DOCK3: variants seen among roughly 807,000 people sequenced by gnomAD.
DOCK3 encodes the protein dedicator of cytokinesis 3.
DOCK3 carries 60 observed loss-of-function variants against 265.6 expected under a neutral mutation model. The ratio of observed to expected loss-of-function variants is 0.23; its 90% CI spans 0.18 to 0.28. The LOEUF (loss-of-function observed/expected upper bound fraction) is 0.28, where lower values mean the gene tolerates loss of function less well. DOCK3 is among the 10% of genes least tolerant of loss of function. The pLI, the probability that DOCK3 is intolerant of heterozygous loss-of-function variation, is 1.00. For missense variants in DOCK3, 1,981 were observed against 2,594.3 expected, an observed-to-expected ratio of 0.76 and a Z score of 5.14; for synonymous variants, 881 against 938.0, an observed-to-expected ratio of 0.94 and a Z score of 1.11.
chr3:50,816,420 C>T (rs1323624400), intron 2 of DOCK3, among the ~76,000 whole-genome samples: 1 of 148,962 alleles, frequency 6.7e-6, no homozygotes, highest in African/African-American at 2.5e-5. Context: ...CTCCCGGGTT[C>T]AAGTGATTCT....
At chr3:51,360,410 GT>G in intron 46 of DOCK3, 100 bp from the exon 47 acceptor site, 2 of 1,439,842 alleles carry the variant, frequency 1.4e-6, no homozygotes, top group Non-Finnish European at 1.9e-6. Flanking sequence ...ATTCTTTTTT[GT>G]TTCTTTTACA....
At chr3:51,205,562 C>T (rs1576408895) in intron 12 of DOCK3, among the ~76,000 whole-genome samples, 1 of 150,992 alleles carries the variant, frequency 6.6e-6, no homozygotes, top group African/African-American at 2.4e-5. Context: ...ATTAGCTCGG[C>T]ATGGTGGTGT....
intron 35 of DOCK3, among the ~76,000 whole-genome samples, chr3:51,338,088 GT>G (rs1283514283): frequency 6.6e-6 from 1 of 152,192 alleles, no homozygotes; most frequent in African/African-American, 2.4e-5. Context: ...ACATTGGTAG[GT>G]GCCACTTAAT....
intron 5 of DOCK3, among the ~76,000 whole-genome samples, chr3:50,958,334 A>T (rs1275613589): frequency 6.6e-6 from 1 of 152,206 alleles, no homozygotes; most frequent in Admixed American, 6.5e-5. Context: ...TGATTTCCAA[A>T]GTATGATGAG....
At chr3:51,249,668 ACCCGGCCAGCCGCCCCG>A (rs1560284292) in intron 22 of DOCK3, among the ~76,000 whole-genome samples, 410 of 30,068 alleles carry the variant, frequency 0.014, no homozygotes, top group East Asian at 0.041. Context: ...TCAGCCCCCC[ACCCGGCCAGCCGCCCCG>A]TCCGGGAGGT....
rs1324302133 is a variant in DOCK3, at chr3:51,227,288, C to T, written c.1383C>T (p.Cys461=). The T allele has an allele frequency of 1.9e-6, 3 of 1,613,264 alleles. No individual in the cohort carries two copies. The highest frequency in any genetic ancestry group is 1.7e-6 in the Non-Finnish European group (2 of 1,179,574). ...ATTTTGTTTCTTTCTTCCAGGATTG[C>T]ATCAGCTTGGGTTCAGGAGAGCCAA... The part of the protein sequence containing the change: ...LYADGEILKD[C]ISLGSGEPNR... Residue 461 remains cysteine (C), a synonymous_variant, in exon 16 of 53, where the codon TGC becomes TGT. Coordinates refer to ENST00000266037, the MANE Select transcript of DOCK3 (RefSeq NM_004947.5).
At chr3:50,973,043 G>GTGT (rs1351511518) in intron 5 of DOCK3, among the ~76,000 whole-genome samples, 1 of 1,636 alleles carries the variant, frequency 6.1e-4, no homozygotes, top group Non-Finnish European at 2.3e-3. Context: ...GGCATTCAGT[G>GTGT]TGTTTCTTTT....
intron 2 of DOCK3, among the ~76,000 whole-genome samples, chr3:50,839,504 C>T (rs187365279): frequency 4.6e-5 from 7 of 152,106 alleles, no homozygotes; most frequent in East Asian, 1.9e-4. Flanking sequence ...GCATTTGGTT[C>T]GGGACAGTGT....
chr3:50,815,696 G>C (rs1374879492), intron 2 of DOCK3, among the ~76,000 whole-genome samples: 1 of 152,082 alleles, frequency 6.6e-6, no homozygotes, highest in Admixed American at 6.6e-5. Flanking sequence ...ATTTCAGTGG[G>C]TATAGAATCC....
intron 3 of DOCK3, among the ~76,000 whole-genome samples, chr3:50,883,205 AT>A (rs1435443924): frequency 6.6e-6 from 1 of 152,104 alleles, no homozygotes; most frequent in Non-Finnish European, 1.5e-5. Context: ...AACATGGCAC[AT>A]GTATACATAT....
chr3:51,099,411 A>G (rs1159037066), intron 9 of DOCK3, among the ~76,000 whole-genome samples: 1 of 152,234 alleles, frequency 6.6e-6, no homozygotes, highest in Non-Finnish European at 1.5e-5. Context: ...CATCCTACAG[A>G]GTCTGGATAA....
chr3:50,675,340 G>A lies in DOCK3; in HGVS notation c.37+40G>A, dbSNP rs763052695. On this transcript the variant is annotated intron_variant, in intron 1 of 52. Coordinates refer to ENST00000266037, the MANE Select transcript of DOCK3 (RefSeq NM_004947.5). This position sits in a 1 kb window ranked among gnomAD's most constrained non-coding sequence, Gnocchi z 6.1. ...GGCCTGGCCGTGGCGGGGGTTCTGG[G>A]GGACGCGCCCAGCTCCCGGCCCCGC... 9 of 1,213,432 alleles carry A rather than the reference G, an allele frequency of 7.4e-6. No individual in the cohort carries two copies. The South Asian group carries it at 2.8e-4, about 38-fold the overall frequency. 75.2% of individuals were successfully genotyped at this position (1,213,432 alleles called of 1,614,324 possible). A position where few individuals can be genotyped will look rare whatever the true frequency, so the allele number is the denominator to read the frequency against.
At chr3:50,821,216 G>A (rs2044404219) in intron 2 of DOCK3, among the ~76,000 whole-genome samples, 1 of 131,894 alleles carries the variant, frequency 7.6e-6, no homozygotes, top group South Asian at 2.5e-4. Context: ...TGTTTTTGTT[G>A]CAGTTGCTTT....
At chr3:50,748,602 A>G (rs183137334) in intron 1 of DOCK3, among the ~76,000 whole-genome samples, 24 of 152,280 alleles carry the variant, frequency 1.6e-4, no homozygotes, top group Non-Finnish European at 2.8e-4. Flanking sequence ...ACTAAATACA[A>G]TCTCTGAAAA....
intron 27 of DOCK3, among the ~76,000 whole-genome samples, chr3:51,287,677 C>T (rs551668116): frequency 6.6e-6 from 1 of 152,322 alleles, no homozygotes; most frequent in African/African-American, 2.4e-5. Context: ...AACACTTATA[C>T]ACTGCTAATG....
chr3:50,739,667 A>G (rs561525290), intron 1 of DOCK3, among the ~76,000 whole-genome samples: 3 of 152,218 alleles, frequency 2.0e-5, no homozygotes, highest in South Asian at 4.1e-4. Flanking sequence ...ATTTATATGC[A>G]TCTCCTTTTT....
intron 40 of DOCK3, among the ~76,000 whole-genome samples, chr3:51,353,156 ACTTT>A (rs1202691647): frequency 1.3e-5 from 2 of 152,340 alleles, no homozygotes; most frequent in South Asian, 2.1e-4. Context: ...CTTCACAAGT[ACTTT>A]CTTTGTCAGT....
chr3:50,708,075 A>G (rs990833492), intron 1 of DOCK3, among the ~76,000 whole-genome samples: 1 of 152,140 alleles, frequency 6.6e-6, no homozygotes, highest in African/African-American at 2.4e-5. Context: ...TAGCATGTGC[A>G]GATGCTGACA....
chr3:50,888,298 T>G (rs1433809231), intron 3 of DOCK3, among the ~76,000 whole-genome samples: 1 of 152,046 alleles, frequency 6.6e-6, no homozygotes, highest in Non-Finnish European at 1.5e-5. Flanking sequence ...GAATCCAACT[T>G]ACAAGGGATG....
Sources: gnomAD v4.1 joint callset for allele counts (sites outside exome capture counted in the v4.1 genomes callset) on GRCh38, gnomAD v4.1.1 for gene constraint, Gnocchi (gnomAD v3.1) non-coding constraint, MANE v1.5 for transcripts, NCBI Gene and HGNC (gene_info 2026-07-23, HGNC 2026-07-21) for gene names.